Variants in GPM6B observed in about 807,000 individuals in gnomAD.
The protein encoded by GPM6B is glycoprotein M6B, also known as neuronal membrane glycoprotein M6-b.
A neutral mutation model predicts 27.2 loss-of-function variants in GPM6B; 4 were observed. That is an observed-to-expected ratio of 0.15 (90% CI 0.07 to 0.34). The LOEUF (loss-of-function observed/expected upper bound fraction) is 0.34, where lower values mean the gene tolerates loss of function less well. Ranked by LOEUF, GPM6B falls within the 10% of genes least tolerant of loss-of-function variation. GPM6B has a pLI of 1.00. For missense variants in GPM6B, 183 were observed against 261.9 expected (o/e 0.70, Z 2.08); for synonymous variants, 124 against 103.1 (o/e 1.20, Z -1.23).
intron 1 of GPM6B, among the ~76,000 whole-genome samples, chrX:13,848,153 C>A (rs925575702): frequency 8.9e-6 from 1 of 111,957 alleles, no homozygotes; most frequent in Non-Finnish European, 1.9e-5. Context: ...TCAGGGGCAT[C>A]TGGCACTCAG....
At chrX:13,776,771 C>A (rs1602967581) in intron 6 of GPM6B, among the ~76,000 whole-genome samples, 1 of 112,303 alleles carries the variant, frequency 8.9e-6, no homozygotes, top group African/African-American at 3.2e-5. Context: ...CAGTTACAAG[C>A]CAATGACTGA....
At chrX:13,789,458 A>G (rs1322071671) in intron 2 of GPM6B, among the ~76,000 whole-genome samples, 1 of 112,075 alleles carries the variant, frequency 8.9e-6, no homozygotes, top group Non-Finnish European at 1.9e-5. Flanking sequence ...CACCTTAAGA[A>G]TTCTGGACTT....
At chrX:13,821,100 G>A (rs779278791), upstream of GPM6B, among the ~76,000 whole-genome samples, 1 of 111,402 alleles carries the variant, frequency 9.0e-6, no homozygotes, top group African/African-American at 3.3e-5. Context: ...GAGGAAAAAG[G>A]ATGAGGACTA....
At chrX:13,924,379 A>G (rs1921071619) in intron 1 of GPM6B, among the ~76,000 whole-genome samples, 1 of 111,430 alleles carries the variant, frequency 9.0e-6, no homozygotes, top group Non-Finnish European at 1.9e-5. Context: ...GGCTCACTGC[A>G]GCCTTGATCT....
At chrX:13,826,198 G>C (rs1241241482) in intron 1 of GPM6B, among the ~76,000 whole-genome samples, 3 of 110,606 alleles carry the variant, frequency 2.7e-5, no homozygotes, top group African/African-American at 9.9e-5. Flanking sequence ...TAGGTGGATT[G>C]CCCTGAGTCT....
chrX:13,885,466 C>A (rs2050125829), intron 1 of GPM6B, among the ~76,000 whole-genome samples: 1 of 111,628 alleles, frequency 9.0e-6, no homozygotes, highest in Non-Finnish European at 1.9e-5. Context: ...TTAACCCTTA[C>A]AGTTTCTCAA....
intron 1 of GPM6B, among the ~76,000 whole-genome samples, chrX:13,843,874 G>C (rs993005971): frequency 1.8e-5 from 2 of 111,265 alleles, no homozygotes; most frequent in African/African-American, 6.5e-5. Flanking sequence ...TTACTTTCTT[G>C]ATGGTGTCCT....
At chrX:13,847,041 A>AATTCACAC (rs1348282012) in intron 1 of GPM6B, among the ~76,000 whole-genome samples, 1 of 110,841 alleles carries the variant, frequency 9.0e-6, no homozygotes, top group Non-Finnish European at 1.9e-5. Context: ...ATTTAGCTTT[A>AATTCACAC]ATTCCCAGCA....
At chrX:13,938,375 C>G (rs199710265) in exon 1 of GPM6B, 3 of 290,719 alleles carry the variant, frequency 1.0e-5, no homozygotes, top group Admixed American at 1.3e-4. Context: ...TCCAGCGTCC[C>G]GGCTTCGTCG....
At chrX:13,822,420 C>T (rs1287812751) in intron 1 of GPM6B, among the ~76,000 whole-genome samples, 1 of 109,726 alleles carries the variant, frequency 9.1e-6, no homozygotes, top group African/African-American at 3.3e-5. Flanking sequence ...GGCTGGAGTA[C>T]AGTGGTGCAA....
At chrX:13,860,490 A>T (rs1249234217) in intron 1 of GPM6B, among the ~76,000 whole-genome samples, 1 of 104,661 alleles carries the variant, frequency 9.6e-6, no homozygotes, top group Non-Finnish European at 1.9e-5. Context: ...AGCTATGCTG[A>T]AAACACTGTA....
chrX:13,787,937 G>A (rs1401793853), intron 2 of GPM6B, among the ~76,000 whole-genome samples: 3 of 112,205 alleles, frequency 2.7e-5, no homozygotes, highest in African/African-American at 9.7e-5. Context: ...GTGAGGCCTT[G>A]GGGCTGTGTG....
At chrX:13,861,067 CAT>C (rs750896515) in intron 1 of GPM6B, among the ~76,000 whole-genome samples, 1 of 106,434 alleles carries the variant, frequency 9.4e-6, no homozygotes, top group Non-Finnish European at 1.9e-5. Flanking sequence ...TATACACATA[CAT>C]ATATATACAT....
intron 2 of GPM6B, among the ~76,000 whole-genome samples, chrX:13,805,787 AATAAGT>A (rs767427408): frequency 4.5e-5 from 5 of 111,817 alleles, no homozygotes; most frequent in East Asian, 2.8e-4. Context: ...TACAGAAAAG[AATAAGT>A]ATTTTTCTGG....
chrX:13,799,118 C>T (rs908565411), intron 2 of GPM6B, among the ~76,000 whole-genome samples: 3 of 106,652 alleles, frequency 2.8e-5, no homozygotes, highest in Non-Finnish European at 5.8e-5. Flanking sequence ...ACTTCTTATT[C>T]AAGAAAATCA....
chrX:13,865,542 C>CAAAAAAAAAAAAA lies in GPM6B; in HGVS notation c.-198+72772_-198+72784dup, dbSNP rs1171503867. Among the ~76,000 whole-genome samples the CAAAAAAAAAAAAA allele has an allele frequency of 8.9e-4, 13 of 14,626 alleles. 1 individual carries two copies. The highest frequency in any genetic ancestry group is 1.4e-3 in the Non-Finnish European group (9 of 6,232). 12.7% of individuals were successfully genotyped at this position (14,626 alleles called of 115,157 possible). On this transcript the variant is annotated intron_variant, in intron 1 of 6. Coordinates refer to the GPM6B transcript ENST00000398361. ...ACCACACGGTAAAAATCCATCTCTT[C>CAAAAAAAAAAAAA]AAAAAAAAAAAAAAAAAAAAGAAAG...
chrX:13,908,091 T>G (rs1246801820), intron 1 of GPM6B, among the ~76,000 whole-genome samples: 2 of 112,245 alleles, frequency 1.8e-5, no homozygotes, highest in Non-Finnish European at 3.8e-5. Context: ...TTATCAAAGA[T>G]ACTTATAAAA....
chrX:13,934,808 T>G (rs1206533301), intron 1 of GPM6B, among the ~76,000 whole-genome samples: 1 of 111,973 alleles, frequency 8.9e-6, no homozygotes, highest in African/African-American at 3.2e-5. Context: ...CAACTAAAAT[T>G]ATGAAGAGAA....
In GPM6B at chrX:13,807,769, A is replaced by G; in HGVS notation, c.62T>C (p.Val21Ala). The G allele has an allele frequency of 2.5e-6, 3 of 1,196,513 alleles. No individual in the cohort carries two copies. The highest frequency in any genetic ancestry group is 2.3e-6 in the Non-Finnish European group (2 of 885,585). ...AATTTCCATTTCAGCTCTGCTGTTCACTGCCAATTTCAGGTGGCAAAGAGT... is the reference window on the plus strand; with the variant it reads ...AATTTCCATTTCAGCTCTGCTGTTCGCTGCCAATTTCAGGTGGCAAAGAGT... ...ENTEQSQERK[V>A]NSRAEMEIGR... The change falls in exon 2 of 8, where the codon GTG becomes GCG. Residue 21 changes from valine (V) to alanine (A), a missense_variant and splice_region_variant. Transcript: ENST00000316715.
Sources: allele counts gnomAD v4.1 joint callset (sites outside exome capture counted in the v4.1 genomes callset), GRCh38; gene constraint gnomAD v4.1.1; transcripts MANE v1.5; gene names NCBI Gene and HGNC (gene_info 2026-07-23, HGNC 2026-07-21).